SHISAL2B: variants seen among roughly 807,000 people sequenced by gnomAD.
The protein encoded by SHISAL2B is shisa like 2B, also known as protein shisa-like-2B.
A neutral mutation model predicts 16.5 loss-of-function variants in SHISAL2B; 12 were observed. The observed-to-expected ratio is 0.73, with a 90% CI of 0.47 to 1.18. The LOEUF is 1.18. Ranked by LOEUF, SHISAL2B falls within the 50% of genes most tolerant of loss-of-function variation. SHISAL2B has a pLI of 0.00. For missense variants in SHISAL2B, 183 were observed against 193.6 expected (o/e 0.95, Z 0.33); for synonymous variants, 72 against 75.0 (o/e 0.96, Z 0.21).
At chr5:64,704,605 G>A (rs1329022496) in intron 2 of SHISAL2B, among the ~76,000 whole-genome samples, 2 of 152,092 alleles carry the variant, frequency 1.3e-5, no homozygotes, top group Non-Finnish European at 2.9e-5. Flanking sequence ...CTTCACTAAT[G>A]AGAAAAATAA....
At chr5:64,716,985 A>T (rs1338205461) in intron 2 of SHISAL2B, among the ~76,000 whole-genome samples, 1 of 152,218 alleles carries the variant, frequency 6.6e-6, no homozygotes, top group East Asian at 1.9e-4. Context: ...AGTATAGTCA[A>T]CAAGGATTTC....
intron 1 of SHISAL2B, among the ~76,000 whole-genome samples, chr5:64,693,395 A>G (rs1741683147): frequency 6.6e-6 from 1 of 152,166 alleles, no homozygotes; most frequent in East Asian, 1.9e-4. Flanking sequence ...GAAAGCATGG[A>G]TGGCATGCTT....
chr5:64,699,780 A>G (rs1377441217), intron 2 of SHISAL2B, among the ~76,000 whole-genome samples: 3 of 152,244 alleles, frequency 2.0e-5, no homozygotes, highest in Non-Finnish European at 4.4e-5. Context: ...AAATGACAAG[A>G]GTCTAAACTA....
At chr5:64,713,200 G>A (rs1246908775) in intron 2 of SHISAL2B, among the ~76,000 whole-genome samples, 2 of 147,826 alleles carry the variant, frequency 1.4e-5, no homozygotes, top group East Asian at 2.0e-4. Context: ...TCCATGTTTA[G>A]TGCTTCCTTC....
intron 1 of SHISAL2B, among the ~76,000 whole-genome samples, chr5:64,692,028 C>G (rs181629203): frequency 6.6e-6 from 1 of 152,278 alleles, no homozygotes; most frequent in East Asian, 1.9e-4. Flanking sequence ...GGAGTGCCTA[C>G]CTTCCAGTAA....
intron 2 of SHISAL2B, among the ~76,000 whole-genome samples, chr5:64,699,383 C>A (rs566392858): frequency 6.6e-6 from 1 of 152,218 alleles, no homozygotes; most frequent in African/African-American, 2.4e-5. Flanking sequence ...TGAAAGTGAG[C>A]CTTTGATGTG....
intron 2 of SHISAL2B, among the ~76,000 whole-genome samples, chr5:64,709,309 T>A (rs1280824956): frequency 6.6e-6 from 1 of 151,456 alleles, no homozygotes; most frequent in South Asian, 2.1e-4. Flanking sequence ...GTTCTTGCGA[T>A]AGTTTACTGA....
chr5:64,691,075 C>T lies in SHISAL2B; in HGVS notation c.191+261C>T, dbSNP rs536927293. On this transcript the variant is annotated intron_variant, in intron 1 of 2. Coordinates refer to ENST00000389074, the MANE Select transcript of SHISAL2B (RefSeq NM_001164442.2). ...GCGCGGGCTTTGCGCCCAGGGCGCACTTGGGGCCCGCCTGGCTGGCCCCGC... is the reference window on the plus strand; with the variant it reads ...GCGCGGGCTTTGCGCCCAGGGCGCATTTGGGGCCCGCCTGGCTGGCCCCGC... Among the ~76,000 whole-genome samples the T allele has an allele frequency of 2.2e-4, 33 of 152,350 alleles. 1 individual carries two copies. In the East Asian group the frequency reaches 5.2e-3, roughly 24 times the overall value.
rs180699554 is a variant in SHISAL2B, at chr5:64,705,659, T to C, written c.349+9995T>C. 7.2e-4 allele frequency among the ~76,000 whole-genome samples: 110 copies of C among 152,326 alleles called. 1 individual carries two copies. The highest frequency in any genetic ancestry group is 2.5e-3 in the African/African-American group (104 of 41,580). Reference sequence around the variant, plus strand: ...AATATTAAACAAGTGAAAAATAACCTACAAACACCTTAATTTGATTTTCAA... The same window carrying C: ...AATATTAAACAAGTGAAAAATAACCCACAAACACCTTAATTTGATTTTCAA... On this transcript the variant is annotated intron_variant, in intron 2 of 2. Coordinates refer to ENST00000389074, the MANE Select transcript of SHISAL2B (RefSeq NM_001164442.2).
In SHISAL2B at chr5:64,690,597, G is replaced by A. The variant is rs1361728930; in HGVS notation, c.-27G>A. 1.4e-6 allele frequency: 2 copies of A among 1,442,166 alleles called. No individual in the cohort carries two copies. The highest frequency in any genetic ancestry group is 1.4e-5 in the South Asian group (1 of 71,300). The allele number at this position is 1,442,166 out of a possible 1,614,324, so 89.3% of individuals were successfully genotyped here. On this transcript the variant is annotated 5_prime_UTR_variant, in exon 1 of 3. Coordinates refer to ENST00000389074, the MANE Select transcript of SHISAL2B (RefSeq NM_001164442.2). Reference sequence around the variant, plus strand: ...GATCCGAGAGCAGACCGGGGCCCTCGCGAGCCTCTCCCGGCCCCTGCCCGC... The same window carrying A: ...GATCCGAGAGCAGACCGGGGCCCTCACGAGCCTCTCCCGGCCCCTGCCCGC...
At chr5:64,696,371 A>G (rs1741734972) in intron 2 of SHISAL2B, among the ~76,000 whole-genome samples, 1 of 152,208 alleles carries the variant, frequency 6.6e-6, no homozygotes, top group Non-Finnish European at 1.5e-5. Flanking sequence ...AAATCAGTGC[A>G]CCTTGAAAAA....
chr5:64,694,131 T>G, intron 1 of SHISAL2B: 1 of 454,924 alleles, frequency 2.2e-6, no homozygotes, highest in South Asian at 1.6e-5. Flanking sequence ...AGCAGAAGCC[T>G]AAAGGCAAGC....
chr5:64,700,959 C>T (rs139112949), intron 2 of SHISAL2B, among the ~76,000 whole-genome samples: 57 of 152,282 alleles, frequency 3.7e-4, no homozygotes, highest in African/African-American at 1.3e-3. Flanking sequence ...GGAGGTGGAG[C>T]GGAAGCAGTA....
At chr5:64,703,130 G>C (rs1741831618) in intron 2 of SHISAL2B, among the ~76,000 whole-genome samples, 1 of 152,162 alleles carries the variant, frequency 6.6e-6, no homozygotes, top group South Asian at 2.1e-4. Context: ...ATGGTATTTT[G>C]ATGGGTTTTG....
chr5:64,694,139 A>G (rs1387277393), intron 1 of SHISAL2B: 2 of 454,276 alleles, frequency 4.4e-6, no homozygotes, highest in African/African-American at 4.0e-5. Context: ...CCTAAAGGCA[A>G]GCCAGGAAGA....
intron 1 of SHISAL2B, among the ~76,000 whole-genome samples, chr5:64,693,471 A>T (rs1202656552): frequency 2.0e-5 from 3 of 152,166 alleles, no homozygotes; most frequent in Non-Finnish European, 2.9e-5. Context: ...AGCCCACACT[A>T]TGTATGTGGA....
chr5:64,703,211 C>T (rs1741832693), intron 2 of SHISAL2B, among the ~76,000 whole-genome samples: 1 of 152,078 alleles, frequency 6.6e-6, no homozygotes, highest in South Asian at 2.1e-4. Flanking sequence ...AACATTTGCT[C>T]AAAGCTTTTA....
At chr5:64,701,769 T>C (rs139532410) in intron 2 of SHISAL2B, among the ~76,000 whole-genome samples, 1 of 152,274 alleles carries the variant, frequency 6.6e-6, no homozygotes, top group African/African-American at 2.4e-5. Context: ...AAGCATAAAT[T>C]ATATATGAAA....
At chr5:64,715,031 G>A (rs111731999) in intron 2 of SHISAL2B, among the ~76,000 whole-genome samples, 5 of 152,098 alleles carry the variant, frequency 3.3e-5, no homozygotes, top group Non-Finnish European at 4.4e-5. Context: ...GCTGTAGACC[G>A]GAGCTGTTAC....
Sources: gnomAD v4.1 joint callset for allele counts (sites outside exome capture counted in the v4.1 genomes callset) on GRCh38, gnomAD v4.1.1 for gene constraint, MANE v1.5 for transcripts, NCBI Gene and HGNC (gene_info 2026-07-23, HGNC 2026-07-21) for gene names.